ACTR3C: variants seen among roughly 807,000 people sequenced by gnomAD.
ACTR3C encodes actin related protein 3C.
In ACTR3C, 18 loss-of-function variants were observed where a neutral mutation model predicts 26.3. That is an observed-to-expected ratio of 0.68 (90% CI 0.47 to 1.01). The LOEUF (loss-of-function observed/expected upper bound fraction) is 1.01, where lower values mean the gene tolerates loss of function less well. Ranked by LOEUF, ACTR3C falls within the 50% of genes least tolerant of loss-of-function variation. ACTR3C has a pLI of 0.00. For missense variants in ACTR3C, 184 were observed against 250.7 expected (o/e 0.73, Z 1.80); for synonymous variants, 55 against 94.5 (o/e 0.58, Z 2.42).
At chr7:149,907,478 T>TTCTCTTCTCTCTCTCTCTC in the ACTR3C span, among the ~76,000 whole-genome samples, 5,326 of 97,172 alleles carry the variant, frequency 0.055, 325 homozygotes, top group South Asian at 0.1. Flanking sequence ...CTCTCTTCTC[T>TTCTCTTCTCTCTCTCTCTC]TCTCTCTCTC....
the ACTR3C span, among the ~76,000 whole-genome samples, chr7:150,227,082 A>C: frequency 6.7e-6 from 1 of 149,388 alleles, no homozygotes; most frequent in South Asian, 2.1e-4. Flanking sequence ...AGAAAGATTT[A>C]ATCAAGCTAA....
At chr7:150,026,184 A>G in the ACTR3C span, among the ~76,000 whole-genome samples, 1 of 152,082 alleles carries the variant, frequency 6.6e-6, no homozygotes, top group Non-Finnish European at 1.5e-5. Flanking sequence ...ACCAGTATGA[A>G]TAACTCATTA....
At chr7:150,077,397 C>T in the ACTR3C span, among the ~76,000 whole-genome samples, 1 of 152,102 alleles carries the variant, frequency 6.6e-6, no homozygotes, top group East Asian at 1.9e-4. Flanking sequence ...GAGCTGGGGT[C>T]ACAACTCCAT....
chr7:150,233,130 T>C, the ACTR3C span, among the ~76,000 whole-genome samples: 1 of 152,206 alleles, frequency 6.6e-6, no homozygotes, highest in East Asian at 1.9e-4. Context: ...CTTCTTTTAA[T>C]ATTTTCTTAC....
At chr7:149,966,169 G>A in the ACTR3C span, among the ~76,000 whole-genome samples, 3 of 152,192 alleles carry the variant, frequency 2.0e-5, no homozygotes, top group Admixed American at 2.0e-4. Context: ...GCAGGCTGAA[G>A]TCTGACTCTC....
At chr7:150,149,499 C>G in the ACTR3C span, among the ~76,000 whole-genome samples, 1 of 118,026 alleles carries the variant, frequency 8.5e-6, no homozygotes, top group Admixed American at 9.1e-5. Flanking sequence ...CCCCCCTCCC[C>G]CCACCCCACA....
chr7:150,241,182 A>G (rs1445447261), downstream of ACTR3C, among the ~76,000 whole-genome samples: 1 of 152,204 alleles, frequency 6.6e-6, no homozygotes, highest in African/African-American at 2.4e-5. Context: ...TGCAAAGAAC[A>G]TATAAAATAC....
chr7:150,190,913 C>A, the ACTR3C span, among the ~76,000 whole-genome samples: 2 of 152,232 alleles, frequency 1.3e-5, no homozygotes, highest in South Asian at 4.2e-4. Flanking sequence ...GGAAAAGCCC[C>A]ATATAAAACC....
At chr7:150,310,233 C>G (rs1796187083) in intron 1 of ACTR3C, among the ~76,000 whole-genome samples, 1 of 152,146 alleles carries the variant, frequency 6.6e-6, no homozygotes, top group African/African-American at 2.4e-5. Context: ...GTCTCCCCAC[C>G]TTAATCCACA....
chr7:150,118,732 G>A, the ACTR3C span, among the ~76,000 whole-genome samples: 1 of 140,598 alleles, frequency 7.1e-6, no homozygotes, highest in Non-Finnish European at 1.5e-5. Context: ...GAAATACAGA[G>A]AACACCACAA....
At chr7:150,319,696 G>A (rs868171534) in intron 1 of ACTR3C, among the ~76,000 whole-genome samples, 1 of 152,152 alleles carries the variant, frequency 6.6e-6, no homozygotes, top group Non-Finnish European at 1.5e-5. Flanking sequence ...CTCCAGTCTT[G>A]ACAATTACTC....
At chr7:150,242,920 G>A (rs985931117), downstream of ACTR3C, among the ~76,000 whole-genome samples, 3 of 152,122 alleles carry the variant, frequency 2.0e-5, no homozygotes, top group African/African-American at 7.2e-5. Context: ...TGATCTTTTA[G>A]AAAATAATAA....
chr7:150,313,155 A>G (rs1301327029), intron 1 of ACTR3C, among the ~76,000 whole-genome samples: 2 of 152,142 alleles, frequency 1.3e-5, no homozygotes, highest in African/African-American at 4.8e-5. Context: ...AAGTCCTATA[A>G]AGCTGCCTCT....
intron 1 of ACTR3C, among the ~76,000 whole-genome samples, chr7:150,314,372 G>T (rs1340011746): frequency 6.6e-6 from 1 of 152,154 alleles, no homozygotes; most frequent in African/African-American, 2.4e-5. Context: ...GGTAGAGTTA[G>T]GTCTATTGTT....
chr7:149,882,316 T>G, the ACTR3C span, among the ~76,000 whole-genome samples: 2,797 of 152,264 alleles, frequency 0.018, 28 homozygotes, highest in South Asian at 0.04. Context: ...TGGTGGCATC[T>G]TTAGACACTC....
chr7:150,025,429 G>T, the ACTR3C span, among the ~76,000 whole-genome samples: 1 of 152,054 alleles, frequency 6.6e-6, no homozygotes, highest in South Asian at 2.1e-4. Context: ...GTTTTCAAGG[G>T]ATCGAGATTT....
chr7:150,185,669 A>T, the ACTR3C span, among the ~76,000 whole-genome samples: 95 of 151,656 alleles, frequency 6.3e-4, no homozygotes, highest in African/African-American at 2.3e-3. Context: ...ACAGCAGAAT[A>T]AGGGGGAGCC....
the ACTR3C span, among the ~76,000 whole-genome samples, chr7:149,963,403 T>C: frequency 6.6e-6 from 1 of 152,210 alleles, no homozygotes; most frequent in African/African-American, 2.4e-5. Flanking sequence ...AGAATGACTT[T>C]CCTGTATTCT....
At chr7:150,289,042 C>T (rs1836005371) in intron 4 of ACTR3C, among the ~76,000 whole-genome samples, 1 of 151,218 alleles carries the variant, frequency 6.6e-6, no homozygotes, top group African/African-American at 2.4e-5. Context: ...ACAGCCACAC[C>T]TGTGTGTGAA....
Sources: allele counts gnomAD v4.1 joint callset (sites outside exome capture counted in the v4.1 genomes callset), GRCh38; gene constraint gnomAD v4.1.1; transcripts MANE v1.5; gene names NCBI Gene and HGNC (gene_info 2026-07-23, HGNC 2026-07-21).